The following CMSS1 variants were observed in gnomAD, a reference collection of about 807,000 sequenced individuals.
CMSS1 encodes the protein cms1 ribosomal small subunit homolog, also known as protein CMSS1.
Under a neutral mutation model 43.5 loss-of-function variants are expected in CMSS1, and 33 were observed. The ratio of observed to expected loss-of-function variants is 0.76; its 90% CI spans 0.57 to 1.01. The LOEUF is 1.01. Ranked by LOEUF, CMSS1 falls within the 50% of genes least tolerant of loss-of-function variation. The pLI is 0.00. For synonymous variants in CMSS1, 115 were observed against 117.2 expected (o/e 0.98, Z 0.12); for missense variants, 313 against 326.4 (o/e 0.96, Z 0.32).
intron 1 of CMSS1, among the ~76,000 whole-genome samples, chr3:99,985,620 G>A (rs1047279263): frequency 1.3e-5 from 2 of 150,022 alleles, no homozygotes; most frequent in Admixed American, 6.7e-5. Context: ...ATAGAGTCTC[G>A]CTCTGTTGCC....
At chr3:99,844,790 A>G (rs2107513070) in intron 1 of CMSS1, among the ~76,000 whole-genome samples, 1 of 152,246 alleles carries the variant, frequency 6.6e-6, no homozygotes, top group Admixed American at 6.5e-5. Context: ...TGTTCTTGTG[A>G]TACTGAGGGA....
Position 100,011,949 on chromosome 3 carries a change from A to G in CMSS1, c.65-135024A>G, listed in dbSNP as rs149418245. Among the ~76,000 whole-genome samples, 691 of 152,328 alleles carry G rather than the reference A, an allele frequency of 4.5e-3. 7 individuals are homozygous for G. Among genetic ancestry groups the G allele is most frequent in the African/African-American group, 0.016 (677 of 41,570 alleles). ...TTAGTCACAGTTATCTTGTTTGGCA[A>G]TATAAGATATTGTGTGGCTGCTTTC... On this transcript the variant is annotated intron_variant, in intron 1 of 9. Transcript: ENST00000421999.
At chr3:100,169,472 A>G (rs2067091707) in intron 6 of CMSS1, among the ~76,000 whole-genome samples, 1 of 152,246 alleles carries the variant, frequency 6.6e-6, no homozygotes, top group Non-Finnish European at 1.5e-5. Context: ...CAAATAGACT[A>G]AGGTGCAAAT....
intron 1 of CMSS1, among the ~76,000 whole-genome samples, chr3:99,950,873 GAA>G (rs1276914888): frequency 2.6e-5 from 4 of 152,156 alleles, no homozygotes; most frequent in Non-Finnish European, 5.9e-5. Context: ...GAGAGAGAAA[GAA>G]AGAGAGAAAA....
intron 1 of CMSS1, among the ~76,000 whole-genome samples, chr3:100,130,504 C>T (rs1052303510): frequency 6.6e-6 from 1 of 152,154 alleles, no homozygotes; most frequent in African/African-American, 2.4e-5. Context: ...GCCTCCAGAA[C>T]ATACAAGGAT....
intron 1 of CMSS1, among the ~76,000 whole-genome samples, chr3:100,142,818 TAAA>T (rs772668383): frequency 3.4e-4 from 52 of 152,176 alleles, no homozygotes; most frequent in Non-Finnish European, 7.1e-4. Flanking sequence ...TACTTTATAA[TAAA>T]AACGTAAATA....
At chr3:99,853,258 A>C (rs1012187907) in intron 1 of CMSS1, among the ~76,000 whole-genome samples, 6 of 152,240 alleles carry the variant, frequency 3.9e-5, no homozygotes, top group Admixed American at 3.3e-4. Flanking sequence ...CATTCGATGT[A>C]ATGGTTTTGA....
intron 1 of CMSS1, among the ~76,000 whole-genome samples, chr3:99,933,548 AT>A (rs1559694225): frequency 6.6e-6 from 1 of 152,210 alleles, no homozygotes; most frequent in Non-Finnish European, 1.5e-5. Flanking sequence ...AAAATTATAC[AT>A]AAACAGGATT....
chr3:100,134,984 TC>T (rs1196139752), intron 1 of CMSS1, among the ~76,000 whole-genome samples: 1 of 152,194 alleles, frequency 6.6e-6, no homozygotes, highest in East Asian at 1.9e-4. Flanking sequence ...AGCAGGTGCC[TC>T]CATTTCTACC....
chr3:99,978,376 A>G (rs1709027977), intron 1 of CMSS1, among the ~76,000 whole-genome samples: 1 of 152,236 alleles, frequency 6.6e-6, no homozygotes, highest in Non-Finnish European at 1.5e-5. Flanking sequence ...AAAATATGGA[A>G]TCAACCTAAG....
intron 1 of CMSS1, among the ~76,000 whole-genome samples, chr3:99,820,705 G>A (rs1942419522): frequency 1.3e-5 from 2 of 152,156 alleles, no homozygotes; most frequent in South Asian, 4.1e-4. Context: ...TTGTTGATGG[G>A]ATCTAGCCTT....
At chr3:99,890,614 C>T (rs1706053978) in intron 1 of CMSS1, among the ~76,000 whole-genome samples, 1 of 152,084 alleles carries the variant, frequency 6.6e-6, no homozygotes, top group Non-Finnish European at 1.5e-5. Flanking sequence ...TACTAATTCT[C>T]ATTCCTTGAT....
At chr3:100,145,675 G>A (rs1038149738) in intron 1 of CMSS1, among the ~76,000 whole-genome samples, 8 of 152,192 alleles carry the variant, frequency 5.3e-5, no homozygotes, top group African/African-American at 1.4e-4. Context: ...AGATGATGCA[G>A]TTTTAGTCTA....
chr3:99,873,246 C>G (rs1274582028), intron 1 of CMSS1, among the ~76,000 whole-genome samples: 1 of 152,176 alleles, frequency 6.6e-6, no homozygotes, highest in Non-Finnish European at 1.5e-5. Context: ...ACTAAACAAT[C>G]AGTTTAAATT....
At chr3:99,935,446 A>G (rs1490679975) in intron 1 of CMSS1, among the ~76,000 whole-genome samples, 2 of 152,164 alleles carry the variant, frequency 1.3e-5, no homozygotes, top group Non-Finnish European at 2.9e-5. Flanking sequence ...GATAACCTTC[A>G]GGAGTGTAGG....
chr3:100,013,535 C>T (rs534645400), intron 1 of CMSS1, among the ~76,000 whole-genome samples: 42 of 152,274 alleles, frequency 2.8e-4, no homozygotes, highest in African/African-American at 1.0e-3. Flanking sequence ...TGAGCCACCA[C>T]ACTCGGCTGG....
intron 1 of CMSS1, among the ~76,000 whole-genome samples, chr3:99,825,288 TA>T (rs1208485809): frequency 6.6e-6 from 1 of 152,186 alleles, no homozygotes; most frequent in Non-Finnish European, 1.5e-5. Context: ...ATAATCAGCT[TA>T]CATTACAGGA....
At chr3:100,097,836 C>G (rs1164964865) in intron 1 of CMSS1, among the ~76,000 whole-genome samples, 1 of 152,206 alleles carries the variant, frequency 6.6e-6, no homozygotes, top group Non-Finnish European at 1.5e-5. Flanking sequence ...CAGCTGGATA[C>G]TTGCTACCTT....
intron 1 of CMSS1, among the ~76,000 whole-genome samples, chr3:99,982,422 C>T (rs981360827): frequency 1.3e-5 from 2 of 152,054 alleles, no homozygotes; most frequent in African/African-American, 2.4e-5. Context: ...TCAAACCCAT[C>T]GTCAGCCTCC....
Sources: allele counts gnomAD v4.1 joint callset (sites outside exome capture counted in the v4.1 genomes callset), GRCh38; gene constraint gnomAD v4.1.1; transcripts MANE v1.5; gene names NCBI Gene and HGNC (gene_info 2026-07-23, HGNC 2026-07-21).